Variants in CILK1 observed in about 807,000 individuals in gnomAD.
CILK1 encodes ciliogenesis associated kinase 1, also known as serine/threonine-protein kinase ICK.
Under a neutral mutation model 79.2 loss-of-function variants are expected in CILK1, and 47 were observed. That is an observed-to-expected ratio of 0.59 (90% CI 0.47 to 0.76). The LOEUF (loss-of-function observed/expected upper bound fraction) is 0.76. Ranked by LOEUF, CILK1 falls within the 30% of genes least tolerant of loss-of-function variation. The pLI, the probability that CILK1 is intolerant of heterozygous loss-of-function variation, is 0.00. For synonymous variants in CILK1, 266 were observed against 275.9 expected (o/e 0.96, Z 0.36); for missense variants, 660 against 769.5 (o/e 0.86, Z 1.68).
At chr6:53,025,260 C>T (rs970024783) in intron 5 of CILK1, among the ~76,000 whole-genome samples, 4 of 152,106 alleles carry the variant, frequency 2.6e-5, no homozygotes, top group African/African-American at 4.8e-5. Flanking sequence ...GTGGCAGTTC[C>T]GTTATAATGG....
intron 2 of CILK1, among the ~76,000 whole-genome samples, chr6:53,039,548 G>T (rs990194424): frequency 6.6e-6 from 1 of 152,154 alleles, no homozygotes; most frequent in Non-Finnish European, 1.5e-5. Flanking sequence ...CCAATAACAG[G>T]GTTGGCAACT....
Position 53,013,702 on chromosome 6 carries a change from G to C in CILK1, c.1112C>G (p.Pro371Arg). 4 of 1,584,252 alleles carry C rather than the reference G, an allele frequency of 2.5e-6. No homozygotes were observed. The highest frequency in any genetic ancestry group is 3.5e-6 in the Non-Finnish European group (4 of 1,154,100). Reference protein sequence around the residue: ...PSHLQEDKPSPLLFPSLHNKH... With the variant: ...PSHLQEDKPSRLLFPSLHNKH... ...GTTGTGGAGGGATGGGAAAAGCAAC[G>C]GGCTTGGCTTGTCCTCCTGGAGATG... The change falls in exon 9 of 14, where the codon CCG (proline) becomes CGG (arginine). Residue 371 changes from proline to arginine, a missense_variant. Physicochemically the swap from Pro to Arg is moderately radical, Grantham distance 103. Transcript: ENST00000676107.
chr6:53,027,622 G>A (rs1765657268), intron 5 of CILK1, among the ~76,000 whole-genome samples: 1 of 152,178 alleles, frequency 6.6e-6, no homozygotes, highest in Non-Finnish European at 1.5e-5. Flanking sequence ...ATTGCTGAAG[G>A]AAAGGAATAT....
intron 5 of CILK1, among the ~76,000 whole-genome samples, chr6:53,023,610 G>T (rs541232781): frequency 6.6e-6 from 1 of 152,184 alleles, no homozygotes; most frequent in Non-Finnish European, 1.5e-5. Flanking sequence ...AGGAACTCTA[G>T]TAGGACTAAA....
intron 1 of CILK1, among the ~76,000 whole-genome samples, chr6:53,047,193 G>A (rs185939793): frequency 2.6e-5 from 4 of 152,316 alleles, no homozygotes; most frequent in Admixed American, 2.6e-4. Context: ...AGGCTAGAGC[G>A]TAAAACCAAT....
At chr6:53,005,509 C>A (rs1764166671) in intron 13 of CILK1, among the ~76,000 whole-genome samples, 1 of 152,176 alleles carries the variant, frequency 6.6e-6, no homozygotes, top group Admixed American at 6.5e-5. Flanking sequence ...CTTGACCCCT[C>A]TTTTTTTCAT....
rs117294467 is a variant in CILK1 at position 53,050,871 on chromosome 6, T to G, written c.-172-9463A>C. Among the ~76,000 whole-genome samples the G allele has an allele frequency of 2.8e-3, 432 of 152,264 alleles. 14 individuals are homozygous for G. In the East Asian group the frequency reaches 0.072, roughly 25 times the overall value. On this transcript the variant is annotated intron_variant, in intron 1 of 13. Coordinates refer to ENST00000676107, the MANE Select transcript of CILK1 (RefSeq NM_014920.5). The stretch of plus-strand genomic sequence containing the variant: ...ATTTAAAAAAGCATATAAATATGCA[T>G]TTTTGATATACAGCAATATCTGAAA...
chr6:53,008,461 T>C (rs1462074875), intron 12 of CILK1, among the ~76,000 whole-genome samples: 2 of 151,508 alleles, frequency 1.3e-5, no homozygotes, highest in African/African-American at 2.4e-5. Context: ...AATCTCACTC[T>C]ATCACCCAGG....
chr6:53,060,138 CAAT>C (rs1295371437), intron 1 of CILK1, among the ~76,000 whole-genome samples: 1 of 152,070 alleles, frequency 6.6e-6, no homozygotes, highest in Non-Finnish European at 1.5e-5. Flanking sequence ...GAATAACAAA[CAAT>C]AAAGTATAAA....
At chr6:53,025,093 A>G (rs1765490068) in intron 5 of CILK1, among the ~76,000 whole-genome samples, 1 of 152,238 alleles carries the variant, frequency 6.6e-6, no homozygotes, top group South Asian at 2.1e-4. Flanking sequence ...TCAGCCTCCC[A>G]AAGTGCTAGG....
chr6:53,015,496 G>A (rs1764839483), intron 8 of CILK1, among the ~76,000 whole-genome samples: 1 of 152,196 alleles, frequency 6.6e-6, no homozygotes, highest in Non-Finnish European at 1.5e-5. Context: ...AGAGCAAATT[G>A]CTTAAACTTT....
At chr6:53,024,236 C>T (rs905516403) in intron 5 of CILK1, among the ~76,000 whole-genome samples, 2 of 152,160 alleles carry the variant, frequency 1.3e-5, no homozygotes, top group African/African-American at 2.4e-5. Context: ...TCCTAGTGAA[C>T]TTAATAGTAA....
intron 11 of CILK1, among the ~76,000 whole-genome samples, chr6:53,011,095 T>C (rs1050657532): frequency 1.3e-5 from 2 of 152,202 alleles, no homozygotes; most frequent in South Asian, 2.1e-4. Flanking sequence ...CACCAAACTA[T>C]AGCATTGACA....
rs142805165 is a variant in CILK1, at chr6:53,047,706, T to C, written c.-172-6298A>G. Among the ~76,000 whole-genome samples the C allele has an allele frequency of 4.8e-3, 727 of 152,022 alleles. 8 individuals are homozygous for C. The highest frequency in any genetic ancestry group is 0.016 in the African/African-American group (678 of 41,470). On this transcript the variant is annotated intron_variant, in intron 1 of 13. Coordinates refer to ENST00000676107, the MANE Select transcript of CILK1 (RefSeq NM_014920.5). ...AAAATCCCTCTGGAGACTACATAGATGTTAGAATAGAGATCAGAGGCAGAG... is the reference window on the plus strand; with the variant it reads ...AAAATCCCTCTGGAGACTACATAGACGTTAGAATAGAGATCAGAGGCAGAG...
intron 5 of CILK1, among the ~76,000 whole-genome samples, chr6:53,029,551 G>A (rs559589873): frequency 6.6e-6 from 1 of 152,264 alleles, no homozygotes. Flanking sequence ...AGAAGTAAAG[G>A]ACAGGCTGGT....
At chr6:53,049,317 C>T (rs1767318459) in intron 1 of CILK1, among the ~76,000 whole-genome samples, 2 of 152,166 alleles carry the variant, frequency 1.3e-5, no homozygotes, top group Admixed American at 1.3e-4. Flanking sequence ...ACAGATAGAC[C>T]TTTATGGTTA....
Position 53,005,039 on chromosome 6 carries a change from G to C in CILK1, c.*110C>G. On this transcript the variant is annotated 3_prime_UTR_variant, in exon 14 of 14. Coordinates refer to ENST00000676107, the MANE Select transcript of CILK1 (RefSeq NM_014920.5). ...CTTAGTTCAGAAGAATAACTATAAAGTGTTGATTTGCTTTTATGCCCTCTG... is the reference window on the plus strand; with the variant it reads ...CTTAGTTCAGAAGAATAACTATAAACTGTTGATTTGCTTTTATGCCCTCTG... 1 of 1,206,902 alleles carries C rather than the reference G, an allele frequency of 8.3e-7. No individual in the cohort carries two copies. The highest frequency in any genetic ancestry group is 1.2e-6 in the Non-Finnish European group (1 of 819,228). The allele number at this position is 1,206,902 out of a possible 1,614,324, so 74.8% of individuals were successfully genotyped here.
chr6:53,040,373 T>A (rs902817201), intron 2 of CILK1, among the ~76,000 whole-genome samples: 6 of 152,232 alleles, frequency 3.9e-5, no homozygotes, highest in Admixed American at 6.5e-5. Flanking sequence ...ATGAAGCAAA[T>A]TGCCATGTTG....
chr6:53,009,603 C>G, intron 11 of CILK1, 36 bp from the exon 12 acceptor site: 1 of 1,538,310 alleles, frequency 6.5e-7, no homozygotes, highest in Non-Finnish European at 9.0e-7. Flanking sequence ...ATGCAAAATA[C>G]ACAATGAATC....
Sources: gnomAD v4.1 joint callset for allele counts (sites outside exome capture counted in the v4.1 genomes callset) on GRCh38, gnomAD v4.1.1 for gene constraint, MANE v1.5 for transcripts, NCBI Gene and HGNC (gene_info 2026-07-23, HGNC 2026-07-21) for gene names.